PCDHA3: variants seen among roughly 807,000 people sequenced by gnomAD.
PCDHA3 encodes the protein protocadherin alpha-3.
PCDHA3 carries 41 observed loss-of-function variants against 62.2 expected under a neutral mutation model. That is an observed-to-expected ratio of 0.66 (90% CI 0.51 to 0.86). The LOEUF (loss-of-function observed/expected upper bound fraction) is 0.86, where lower values mean the gene tolerates loss of function less well. Among genes scored for constraint, PCDHA3 ranks in the 40% least tolerant of loss-of-function variants. PCDHA3 has a pLI of 0.00. For synonymous variants in PCDHA3, 640 were observed against 555.4 expected, an observed-to-expected ratio of 1.15 and a Z score of -2.14; for missense variants, 1,304 against 1,241.2, an observed-to-expected ratio of 1.05 and a Z score of -0.76.
Position 140,855,940 on chromosome 5 carries a change from T to G in PCDHA3, c.2394+52349T>G, listed in dbSNP as rs781849353. 20 of 1,323,248 alleles carry G rather than the reference T, an allele frequency of 1.5e-5. 4 individuals carry two copies. The highest frequency in any genetic ancestry group is 2.9e-5 in the South Asian group (2 of 68,766). The allele number at this position is 1,323,248 out of a possible 1,614,324, so 82.0% of individuals were successfully genotyped here. A position where few individuals can be genotyped will look rare whatever the true frequency, so the allele number is the denominator to read the frequency against. Reference sequence around the variant, plus strand: ...TAGGAAGTAGCGTCATTCTGAGATCTCAGCCATTTCGATAAAAAATAGATA... The same window carrying G: ...TAGGAAGTAGCGTCATTCTGAGATCGCAGCCATTTCGATAAAAAATAGATA... On this transcript the variant is annotated intron_variant, in intron 1 of 3. Transcript: ENST00000522353.
intron 1 of PCDHA3, chr5:140,809,680 C>CTTTT: frequency 7.5e-7 from 1 of 1,338,360 alleles, no homozygotes; most frequent in African/African-American, 1.5e-5. Flanking sequence ...AATTTTACCT[C>CTTTT]TTTTTACATA....
chr5:140,851,821 C>A, intron 1 of PCDHA3: 1 of 958,244 alleles, frequency 1.0e-6, no homozygotes, highest in Non-Finnish European at 1.3e-6. Context: ...AGACAGAAAT[C>A]TGTTTTTTTA....
chr5:141,001,159 G>A (rs1332533329), intron 3 of PCDHA3, among the ~76,000 whole-genome samples: 2 of 152,076 alleles, frequency 1.3e-5, no homozygotes, highest in Non-Finnish European at 2.9e-5. Context: ...ATCTTAATAA[G>A]TAAAATTTAA....
At position 140,926,291 on chromosome 5, in the gene PCDHA3, G is replaced by A. The variant is rs545188065; in HGVS notation, c.2395-52658G>A. 3.9e-5 allele frequency: 6 copies of A among 152,438 alleles called. No individual in the cohort carries two copies. The South Asian group carries it at 1.0e-3, about 26-fold the overall frequency. 9.4% of individuals were successfully genotyped at this position (152,438 alleles called of 1,614,324 possible). A position where few individuals can be genotyped will look rare whatever the true frequency, so the allele number is the denominator to read the frequency against. ...CCTCCGCTCGGCAGCTCCACGCTGA[G>A]TCCCGCCCTCTCCGCCGGAGAGGTG... On this transcript the variant is annotated intron_variant, in intron 1 of 3. Transcript: ENST00000522353.
At position 140,802,671 on chromosome 5, in the gene PCDHA3, T is replaced by C. The variant is rs1762992155; in HGVS notation, c.1474T>C (p.Tyr492His). The C allele has an allele frequency of 6.2e-7, 1 of 1,613,282 alleles. No individual in the cohort carries two copies. The highest frequency in any genetic ancestry group is 1.1e-5 in the South Asian group (1 of 91,048). The change falls in exon 1 of 4, where the codon TAC becomes CAC. Residue 492 changes from tyrosine (Y) to histidine (H), a missense_variant. By Grantham distance (83) the Tyr-to-His change is moderately conservative. Coordinates refer to ENST00000522353, the MANE Select transcript of PCDHA3 (RefSeq NM_018906.3). ...ADAQENALVS[Y>H]SLVERRVGER... ...CGCGCAGGAGAACGCCCTGGTGTCC[T>C]ACTCGCTGGTGGAACGGCGGGTGGG...
At chr5:140,945,481 C>T (rs269552) in intron 1 of PCDHA3, among the ~76,000 whole-genome samples, 33,891 of 151,742 alleles carry the variant, frequency 0.22, 4,873 homozygotes, top group African/African-American at 0.41. Flanking sequence ...ACAAAACACC[C>T]CAAATACCCA....
chr5:140,862,448 C>A (rs2047370091), intron 1 of PCDHA3: 1 of 362,316 alleles, frequency 2.8e-6, no homozygotes. Flanking sequence ...TACTCCACAG[C>A]GCCCTGGACC....
intron 1 of PCDHA3, chr5:140,808,051 T>C: frequency 6.2e-7 from 1 of 1,614,058 alleles, no homozygotes; most frequent in East Asian, 2.2e-5. Context: ...TTTCGCCAAA[T>C]GTGAAATCCA....
In PCDHA3 at chr5:140,917,150, G is replaced by A. The variant is rs535773024; in HGVS notation, c.2395-61799G>A. Among the ~76,000 whole-genome samples the A allele has an allele frequency of 2.0e-5, 3 of 152,324 alleles. No individual in the cohort carries two copies. In the South Asian group the frequency reaches 6.2e-4, roughly 32 times the overall value. On this transcript the variant is annotated intron_variant, in intron 1 of 3. Transcript: ENST00000522353. ...CCCCACGTTGCTCAGCTGCTGCTGG[G>A]GGATATGGGAGGGGTGATGGTGGTG...
chr5:140,928,757 G>T (rs372744198), intron 1 of PCDHA3: 1 of 1,614,092 alleles, frequency 6.2e-7, no homozygotes, highest in African/African-American at 1.3e-5. Context: ...CGTACTGCTC[G>T]CTTAGTTCTT....
At chr5:140,949,584 A>T (rs1313706016) in intron 1 of PCDHA3, among the ~76,000 whole-genome samples, 5 of 151,722 alleles carry the variant, frequency 3.3e-5, no homozygotes, top group Admixed American at 6.6e-5. Context: ...CTTTTGTGTG[A>T]TATTAATGTG....
chr5:140,995,184 T>G (rs1382886542), intron 3 of PCDHA3, among the ~76,000 whole-genome samples: 3 of 152,168 alleles, frequency 2.0e-5, no homozygotes, highest in African/African-American at 7.2e-5. Flanking sequence ...GCACCTATGA[T>G]AAAGTTTAAT....
chr5:140,968,176 G>A, intron 1 of PCDHA3: 1 of 1,614,062 alleles, frequency 6.2e-7, no homozygotes, highest in Non-Finnish European at 8.5e-7. Flanking sequence ...CAAGCTTCCT[G>A]GAGGACTCCT....
intron 1 of PCDHA3, chr5:140,856,875 T>C (rs782182859): frequency 1.3e-6 from 2 of 1,595,778 alleles, no homozygotes; most frequent in Non-Finnish European, 1.7e-6. Flanking sequence ...AACAAGGAAA[T>C]GATGTATTCA....
chr5:140,850,702 A>AAG, intron 1 of PCDHA3: 1 of 1,598,166 alleles, frequency 6.3e-7, no homozygotes, highest in Non-Finnish European at 8.6e-7. Flanking sequence ...GCGCCTGGCA[A>AAG]GCCGACGCTG....
In PCDHA3 at chr5:140,830,371, C is replaced by T. The variant is rs142388736; in HGVS notation, c.2394+26780C>T. 3.7e-5 allele frequency: 60 copies of T among 1,614,002 alleles called. No individual in the cohort carries two copies. In the Middle Eastern group the frequency reaches 6.6e-4, roughly 18 times the overall value. ...AGCAGAGGCGGCAGAGGGTGTGCTC[C>T]GGGGAGGGCCCACCCAAGATGGATC... On this transcript the variant is annotated intron_variant, in intron 1 of 3. Transcript: ENST00000522353.
rs374520361 is a variant in PCDHA3, at chr5:140,870,742, A to C, written c.2394+67151A>C. 10 of 1,613,406 alleles carry C rather than the reference A, an allele frequency of 6.2e-6. No homozygotes were observed. In the African/African-American group the frequency reaches 1.1e-4, roughly 17 times the overall value. On this transcript the variant is annotated intron_variant, in intron 1 of 3. Transcript: ENST00000522353. ...TGCGGGCGTGCCGCCTCTGAGCAGC[A>C]ACGTGACGCTGCAGGTGTTCGTGCT...
At chr5:140,857,970 C>A (rs782641512) in intron 1 of PCDHA3, 1 of 1,596,952 alleles carries the variant, frequency 6.3e-7, no homozygotes, top group Non-Finnish European at 8.6e-7. Flanking sequence ...GAGACTGACT[C>A]GCCACGCCAG....
At chr5:140,849,663 A>T in intron 1 of PCDHA3, 1 of 1,598,672 alleles carries the variant, frequency 6.3e-7, no homozygotes, top group Non-Finnish European at 8.6e-7. Context: ...CTGCTCCCTG[A>T]CGCCCCACGT....
Sources: gnomAD v4.1 joint callset for allele counts (sites outside exome capture counted in the v4.1 genomes callset) on GRCh38, gnomAD v4.1.1 for gene constraint, MANE v1.5 for transcripts, NCBI Gene and HGNC (gene_info 2026-07-23, HGNC 2026-07-21) for gene names.